OR2Z1: variants seen among roughly 807,000 people sequenced by gnomAD.
OR2Z1 encodes the protein olfactory receptor 2Z1.
For missense variants in OR2Z1, 449 were observed against 401.8 expected, an observed-to-expected ratio of 1.12 and a Z score of -1.00; for synonymous variants, 188 against 160.6, an observed-to-expected ratio of 1.17 and a Z score of -1.29.
intron 2 of OR2Z1, among the ~76,000 whole-genome samples, chr19:8,727,548 G>A (rs2043332476): frequency 6.6e-6 from 1 of 151,516 alleles, no homozygotes; most frequent in South Asian, 2.1e-4. Context: ...AAAACTTAAA[G>A]TATAATAATA....
rs201725132 is a variant in OR2Z1, at chr19:8,731,070, G to T, written c.42G>T (p.Leu14=). 3 of 1,614,122 alleles carry T rather than the reference G, an allele frequency of 1.9e-6. No homozygotes were observed. Among genetic ancestry groups the T allele is most frequent in the Admixed American group, 1.7e-5 (1 of 60,016 alleles). ...VNQSVASDFI[L]VGLFSHSGSR... The stretch of plus-strand genomic sequence containing the variant: ...AGTCGGTGGCCTCAGACTTCATTCT[G>T]GTGGGCCTCTTCAGTCACTCAGGAT... Residue 14 remains leucine, a synonymous_variant, in exon 3 of 3, where the codon CTG becomes CTT. Coordinates refer to ENST00000641125, the MANE Select transcript of OR2Z1 (RefSeq NM_001004699.3).
At chr19:8,726,390 C>T (rs1161061545) in intron 2 of OR2Z1, among the ~76,000 whole-genome samples, 1 of 152,176 alleles carries the variant, frequency 6.6e-6, no homozygotes, top group African/African-American at 2.4e-5. Flanking sequence ...GCAGGCCCCA[C>T]CTCCAACATT....
intron 2 of OR2Z1, among the ~76,000 whole-genome samples, chr19:8,728,124 G>T (rs969695008): frequency 6.6e-6 from 1 of 152,194 alleles, no homozygotes; most frequent in Non-Finnish European, 1.5e-5. Flanking sequence ...TTTTTAGCAT[G>T]CTTCTTAACC....
intron 2 of OR2Z1, among the ~76,000 whole-genome samples, chr19:8,725,536 C>A (rs2043323892): frequency 6.6e-6 from 1 of 152,142 alleles, no homozygotes; most frequent in African/African-American, 2.4e-5. Flanking sequence ...AGCCACTACG[C>A]CCAGCCAAAC....
At chr19:8,725,227 C>T (rs1356259643) in intron 2 of OR2Z1, among the ~76,000 whole-genome samples, 2 of 152,156 alleles carry the variant, frequency 1.3e-5, no homozygotes, top group Non-Finnish European at 2.9e-5. Context: ...TTGTCTAACT[C>T]CCATACATCT....
chr19:8,729,148 C>T, intron 2 of OR2Z1: 1 of 1,238,998 alleles, frequency 8.1e-7, no homozygotes, highest in South Asian at 1.2e-5. Context: ...TTAAAGCCTT[C>T]ACTTTGGCTT....
intron 2 of OR2Z1, among the ~76,000 whole-genome samples, chr19:8,724,430 C>T (rs1301851213): frequency 1.3e-5 from 2 of 152,028 alleles, no homozygotes; most frequent in Non-Finnish European, 2.9e-5. Flanking sequence ...GAGTCGGGAT[C>T]TTGCCATGTT....
chr19:8,731,709 C>T lies in OR2Z1; in HGVS notation c.681C>T (p.Ser227=). 1.2e-6 allele frequency: 2 copies of T among 1,614,092 alleles called. No individual in the cohort carries two copies. Among genetic ancestry groups the T allele is most frequent in the Non-Finnish European group, 1.7e-6 (2 of 1,179,934 alleles). ...SYGHVLQAVL[S]MRSEEARHKA... ...GCCACGTGTTGCAGGCTGTTCTAAG[C>T]ATGCGCTCAGAGGAGGCCAGACACA... The change falls in exon 3 of 3, where the codon AGC becomes AGT. Residue 227 remains serine, a synonymous_variant. Coordinates refer to ENST00000641125, the MANE Select transcript of OR2Z1 (RefSeq NM_001004699.3).
intron 2 of OR2Z1, among the ~76,000 whole-genome samples, chr19:8,725,274 G>A (rs1416648475): frequency 1.3e-5 from 2 of 151,826 alleles, no homozygotes; most frequent in African/African-American, 4.8e-5. Context: ...TTGGAGTCTC[G>A]CTCTGTTGTC....
chr19:8,723,968 TTGTG>T (rs55655760), intron 2 of OR2Z1, among the ~76,000 whole-genome samples: 37,629 of 132,602 alleles, frequency 0.28, 4,140 homozygotes, highest in Admixed American at 0.32. Context: ...GGGAGTCTGT[TTGTG>T]TGTGTGTGTG....
In OR2Z1 at chr19:8,728,447, T is replaced by C. The variant is rs373385768; in HGVS notation, c.-169-2413T>C. ...TCCAATGCAGTGAAGCCACCAGTAA[T>C]AGCTGAGCTCAGCAGCAACTGCCCC... On this transcript the variant is annotated intron_variant, in intron 2 of 2. Transcript: ENST00000641125. Among the ~76,000 whole-genome samples the C allele has an allele frequency of 4.9e-4, 74 of 152,280 alleles. No individual in the cohort carries two copies. In the East Asian group the frequency reaches 5.2e-3, roughly 11 times the overall value.
chr19:8,726,635 G>A (rs782391191), intron 2 of OR2Z1, among the ~76,000 whole-genome samples: 6 of 152,326 alleles, frequency 3.9e-5, no homozygotes, highest in South Asian at 2.1e-4. Flanking sequence ...CCAGAGAACC[G>A]GGGATCTTGC....
At chr19:8,728,409 C>G (rs570573245) in intron 2 of OR2Z1, among the ~76,000 whole-genome samples, 1 of 152,124 alleles carries the variant, frequency 6.6e-6, no homozygotes, top group Non-Finnish European at 1.5e-5. Flanking sequence ...ACCCACAGGC[C>G]GCTGCTCTCC....
intron 2 of OR2Z1, among the ~76,000 whole-genome samples, chr19:8,723,961 A>C (rs1373198817): frequency 4.4e-5 from 5 of 112,630 alleles, no homozygotes; most frequent in Admixed American, 9.5e-5. Flanking sequence ...GGTGAAGGGG[A>C]GTCTGTTTGT....
Position 8,731,419 on chromosome 19 carries a change from C to A in OR2Z1, c.391C>A (p.Gln131Lys), listed in dbSNP as rs182337822. ...TTATGTTGCTGTGTGCCAGCCCCTG[C>A]AGTATCCTGTACTTATGAGACGCCA... Reference protein sequence around the residue: ...DRYVAVCQPLQYPVLMRRQVC... With the variant: ...DRYVAVCQPLKYPVLMRRQVC... The change falls in exon 3 of 3, where the codon CAG becomes AAG. Residue 131 changes from glutamine (Q) to lysine (K), a missense_variant. By Grantham distance (53) the Gln-to-Lys change is moderately conservative. Transcript: ENST00000641125. 311 of 1,614,064 alleles carry A rather than the reference C, an allele frequency of 1.9e-4. 4 individuals carry two copies. In the East Asian group the frequency reaches 5.8e-3, roughly 30 times the overall value.
Position 8,731,605 on chromosome 19 carries a change from T to C in OR2Z1, c.577T>C (p.Cys193Arg). The C allele has an allele frequency of 6.2e-7, 1 of 1,614,006 alleles. No individual in the cohort carries two copies. The highest frequency in any genetic ancestry group is 8.5e-7 in the Non-Finnish European group (1 of 1,180,026). The change falls in exon 3 of 3, where the codon TGT becomes CGT. Residue 193 changes from cysteine (C) to arginine (R), a missense_variant. Physicochemically the swap from Cys to Arg is radical, Grantham distance 180. Coordinates refer to ENST00000641125, the MANE Select transcript of OR2Z1 (RefSeq NM_001004699.3). ...ALLKLSCADT[C>R]AYEMALSTSG... ...ACTGAAGCTCTCCTGTGCAGATACC[T>C]GTGCCTACGAGATGGCGCTGTCCAC...
At position 8,731,614 on chromosome 19, in the gene OR2Z1, G is replaced by A. The variant is rs782473503; in HGVS notation, c.586G>A (p.Glu196Lys). ...KLSCADTCAYEMALSTSGVLI... is the reference protein window; with the variant it reads ...KLSCADTCAYKMALSTSGVLI... ...CTCCTGTGCAGATACCTGTGCCTAC[G>A]AGATGGCGCTGTCCACCTCAGGGGT... Residue 196 changes from glutamate (E) to lysine (K), a missense_variant, in exon 3 of 3, where the codon GAG becomes AAG. Coordinates refer to ENST00000641125, the MANE Select transcript of OR2Z1 (RefSeq NM_001004699.3). 5.0e-6 allele frequency: 8 copies of A among 1,613,964 alleles called. No individual in the cohort carries two copies. In the Middle Eastern group the frequency reaches 9.9e-4, roughly 200 times the overall value.
rs1388659081 is a variant in OR2Z1, at chr19:8,731,677, T to A, written c.649T>A (p.Ser217Thr). ...LMLPLSLIAT[S>T]YGHVLQAVLS... Reference sequence around the variant, plus strand: ...GCTCCCTCTTTCCCTCATCGCCACCTCCTACGGCCACGTGTTGCAGGCTGT... The same window carrying A: ...GCTCCCTCTTTCCCTCATCGCCACCACCTACGGCCACGTGTTGCAGGCTGT... The change falls in exon 3 of 3, where the codon TCC (serine) becomes ACC (threonine). Residue 217 changes from serine (S) to threonine (T), a missense_variant. By Grantham distance (58) the Ser-to-Thr change is moderately conservative (BLOSUM62 1). Coordinates refer to ENST00000641125, the MANE Select transcript of OR2Z1 (RefSeq NM_001004699.3). 1.9e-6 allele frequency: 3 copies of A among 1,613,788 alleles called. No individual in the cohort carries two copies. Among genetic ancestry groups the A allele is most frequent in the African/African-American group, 2.7e-5 (2 of 74,838 alleles).
chr19:8,731,194 C>A lies in OR2Z1; in HGVS notation c.166C>A (p.His56Asn), dbSNP rs782794821. Residue 56 changes from histidine to asparagine, a missense_variant, in exon 3 of 3, where the codon CAC (histidine) becomes AAC (asparagine). By Grantham distance (68) the His-to-Asn change is moderately conservative. Transcript: ENST00000641125. ...CTTGATCCGTGTGGACTCCCGGCTCCACACACCCATGTACTTCCTGCTCAG... is the reference window on the plus strand; with the variant it reads ...CTTGATCCGTGTGGACTCCCGGCTCAACACACCCATGTACTTCCTGCTCAG... ...LFLIRVDSRL[H>N]TPMYFLLSQL... 7 of 1,613,774 alleles carry A rather than the reference C, an allele frequency of 4.3e-6. No homozygotes were observed. The highest frequency in any genetic ancestry group is 2.2e-5 in the East Asian group (1 of 44,862).
Sources: allele counts gnomAD v4.1 joint callset (sites outside exome capture counted in the v4.1 genomes callset), GRCh38; gene constraint gnomAD v4.1.1; transcripts MANE v1.5; gene names NCBI Gene and HGNC (gene_info 2026-07-23, HGNC 2026-07-21).